Variants in EPB41L4B observed in about 807,000 individuals in gnomAD.
EPB41L4B encodes the protein band 4.1-like protein 4B.
Under a neutral mutation model 112.5 loss-of-function variants are expected in EPB41L4B, and 30 were observed. The observed-to-expected ratio is 0.27, with a 90% CI of 0.20 to 0.36. The LOEUF (loss-of-function observed/expected upper bound fraction) is 0.36, where lower values mean the gene tolerates loss of function less well. Among genes scored for constraint, EPB41L4B ranks in the 10% least tolerant of loss-of-function variants. The pLI is 1.00. For synonymous variants in EPB41L4B, 408 were observed against 439.7 expected (o/e 0.93, Z 0.90); for missense variants, 1,024 against 1,133.3 (o/e 0.90, Z 1.38).
intron 20 of EPB41L4B, among the ~76,000 whole-genome samples, chr9:109,197,188 T>C (rs1328074449): frequency 2.6e-5 from 4 of 152,144 alleles, no homozygotes; most frequent in African/African-American, 9.7e-5. Context: ...TTTGGGAGGC[T>C]GAAGCGGGCG....
intron 23 of EPB41L4B, among the ~76,000 whole-genome samples, chr9:109,184,011 G>A (rs551535148): frequency 3.3e-5 from 5 of 152,304 alleles, no homozygotes; most frequent in Admixed American, 2.0e-4. Context: ...AAATTTCTTT[G>A]GTCTCTTTAC....
intron 2 of EPB41L4B, among the ~76,000 whole-genome samples, chr9:109,270,711 T>C (rs1835578774): frequency 6.6e-6 from 1 of 152,254 alleles, no homozygotes. Flanking sequence ...TTCTTTAGTC[T>C]TCTCACCACC....
chr9:109,216,712 T>G (rs73654229), intron 16 of EPB41L4B, among the ~76,000 whole-genome samples: 17 of 152,000 alleles, frequency 1.1e-4, no homozygotes, highest in African/African-American at 4.1e-4. Context: ...ATAATGAAAT[T>G]AGAGTTTACT....
rs543750041 is a variant in EPB41L4B at position 109,234,562 on chromosome 9, T to C, written c.1409+9056A>G. Among the ~76,000 whole-genome samples, 3 of 152,298 alleles carry C rather than the reference T, an allele frequency of 2.0e-5. No individual in the cohort carries two copies. In the East Asian group the frequency reaches 5.8e-4, roughly 29 times the overall value. ...TGAATTTTTACTATTGTTTGTATTA[T>C]CTATCTTAAAAAAGGCAACAGGCCA... On this transcript the variant is annotated intron_variant, in intron 15 of 25. Coordinates refer to ENST00000374566, the MANE Select transcript of EPB41L4B (RefSeq NM_019114.5).
intron 1 of EPB41L4B, among the ~76,000 whole-genome samples, chr9:109,294,787 AATC>A (rs372832117): frequency 3.3e-4 from 50 of 152,232 alleles, no homozygotes; most frequent in Non-Finnish European, 6.0e-4. Flanking sequence ...AATATTTCAG[AATC>A]ATAAGTGGGT....
At chr9:109,243,240 T>TAAAAAAAAAAAAAAAAAAAAAAAAACAA in intron 15 of EPB41L4B, among the ~76,000 whole-genome samples, 1 of 111,206 alleles carries the variant, frequency 9.0e-6, no homozygotes, top group Non-Finnish European at 1.9e-5. Flanking sequence ...AAAAAATCCT[T>TAAAAAAAAAAAAAAAAAAAAAAAAACAA]AAAAAAAAAA....
chr9:109,243,212 CAAAAAAAAAAAAAAA>C (rs58092749), intron 15 of EPB41L4B, among the ~76,000 whole-genome samples: 22 of 52,282 alleles, frequency 4.2e-4, no homozygotes, highest in Admixed American at 2.3e-3. Flanking sequence ...CCCACCCCCG[CAAAAAAAAAAAAAAA>C]AAAAAAAATC....
At chr9:109,215,346 C>G (rs1171926268) in intron 16 of EPB41L4B, among the ~76,000 whole-genome samples, 1 of 152,062 alleles carries the variant, frequency 6.6e-6, no homozygotes, top group Non-Finnish European at 1.5e-5. Context: ...GTGGCACCAT[C>G]TCGGCTCACT....
chr9:109,232,404 C>T (rs1448721596), intron 15 of EPB41L4B, among the ~76,000 whole-genome samples: 1 of 152,072 alleles, frequency 6.6e-6, no homozygotes, highest in Non-Finnish European at 1.5e-5. Flanking sequence ...CCCCTAACCA[C>T]TTGTTTAAAT....
intron 21 of EPB41L4B, among the ~76,000 whole-genome samples, chr9:109,193,371 A>G (rs970597127): frequency 6.6e-6 from 1 of 152,260 alleles, no homozygotes; most frequent in Non-Finnish European, 1.5e-5. Flanking sequence ...TCCAGTTTGC[A>G]TGAGCACTTT....
intron 15 of EPB41L4B, among the ~76,000 whole-genome samples, chr9:109,225,989 GAAGTA>G (rs1181654726): frequency 6.6e-6 from 1 of 152,190 alleles, no homozygotes; most frequent in African/African-American, 2.4e-5. Context: ...TGTATATTGT[GAAGTA>G]AAGTCCTAAC....
chr9:109,196,520 C>G (rs1407905607), intron 20 of EPB41L4B, among the ~76,000 whole-genome samples: 1 of 152,096 alleles, frequency 6.6e-6, no homozygotes, highest in Non-Finnish European at 1.5e-5. Flanking sequence ...GAGTCCGAGA[C>G]CAGCCTGGGC....
chr9:109,187,876 T>C (rs1027306962), intron 22 of EPB41L4B, among the ~76,000 whole-genome samples: 3 of 152,206 alleles, frequency 2.0e-5, no homozygotes, highest in African/African-American at 7.2e-5. Flanking sequence ...CAAGCCTTTC[T>C]GACCTTTCTC....
intron 17 of EPB41L4B, among the ~76,000 whole-genome samples, chr9:109,209,846 T>C (rs540801122): frequency 6.6e-6 from 1 of 152,208 alleles, no homozygotes; most frequent in South Asian, 2.1e-4. Flanking sequence ...AGCAGATAGA[T>C]GGTAAGTCAC....
chr9:109,180,221 C>G (rs1832005541), intron 24 of EPB41L4B, among the ~76,000 whole-genome samples: 1 of 152,202 alleles, frequency 6.6e-6, no homozygotes, highest in Non-Finnish European at 1.5e-5. Context: ...CTCCAGCTGT[C>G]TTCGAGCCAC....
At chr9:109,238,871 A>G (rs2118944573) in intron 15 of EPB41L4B, among the ~76,000 whole-genome samples, 1 of 152,256 alleles carries the variant, frequency 6.6e-6, no homozygotes, top group East Asian at 1.9e-4. Flanking sequence ...GGTGTGGCAC[A>G]TGCCAGGAAC....
intron 1 of EPB41L4B, among the ~76,000 whole-genome samples, chr9:109,294,257 A>G (rs1836648669): frequency 6.6e-6 from 1 of 150,956 alleles, no homozygotes. Flanking sequence ...GTGAGCCGAG[A>G]TCACGCCACT....
intron 1 of EPB41L4B, among the ~76,000 whole-genome samples, chr9:109,288,524 T>C (rs892477174): frequency 1.3e-5 from 2 of 151,674 alleles, no homozygotes; most frequent in Non-Finnish European, 2.9e-5. Flanking sequence ...ATCAAGACCA[T>C]CCTGGCTAAC....
At chr9:109,215,740 T>C (rs1833339501) in intron 16 of EPB41L4B, among the ~76,000 whole-genome samples, 2 of 152,106 alleles carry the variant, frequency 1.3e-5, no homozygotes, top group African/African-American at 2.4e-5. Context: ...TAAAAGTGAG[T>C]TTCTAGAAAA....
Sources: gnomAD v4.1 joint callset for allele counts (sites outside exome capture counted in the v4.1 genomes callset) on GRCh38, gnomAD v4.1.1 for gene constraint, MANE v1.5 for transcripts, NCBI Gene and HGNC (gene_info 2026-07-23, HGNC 2026-07-21) for gene names.